The following GBE1 variants were observed in gnomAD, a reference collection of about 807,000 sequenced individuals.
The protein encoded by GBE1 is 1,4-alpha-glucan-branching enzyme.
A neutral mutation model predicts 88.8 loss-of-function variants in GBE1; 70 were observed. The ratio of observed to expected loss-of-function variants is 0.79; its 90% CI spans 0.65 to 0.96. GBE1 has a LOEUF of 0.96. Ranked by LOEUF, GBE1 falls within the 40% of genes least tolerant of loss-of-function variation. The probability of loss-of-function intolerance (pLI) is 0.00; values close to 1 mark genes in which losing one functional copy is unlikely to be tolerated. For synonymous variants in GBE1, 284 were observed against 300.1 expected (o/e 0.95, Z 0.56); for missense variants, 872 against 871.0 (o/e 1.00, Z -0.01).
At chr3:81,728,633 A>G (rs1211094199) in intron 1 of GBE1, among the ~76,000 whole-genome samples, 1 of 152,146 alleles carries the variant, frequency 6.6e-6, no homozygotes, top group African/African-American at 2.4e-5. Flanking sequence ...ACTACTGGAA[A>G]GAGAGGAGGA....
At chr3:81,760,808 G>A (rs546132707) in intron 1 of GBE1, among the ~76,000 whole-genome samples, 7 of 152,310 alleles carry the variant, frequency 4.6e-5, no homozygotes, top group East Asian at 1.9e-4. Flanking sequence ...GATCCAAGGG[G>A]AGAAAAAATT....
chr3:81,562,683 TGTTAA>T (rs1013308884), intron 12 of GBE1, among the ~76,000 whole-genome samples: 3 of 152,026 alleles, frequency 2.0e-5, no homozygotes, highest in Non-Finnish European at 2.9e-5. Flanking sequence ...GCTAAAAGAC[TGTTAA>T]GTTGAGGCAA....
At chr3:81,542,544 A>T (rs1198790420) in intron 12 of GBE1, among the ~76,000 whole-genome samples, 1 of 152,102 alleles carries the variant, frequency 6.6e-6, no homozygotes, top group African/African-American at 2.4e-5. Context: ...TATGTTTAGG[A>T]TTCTACTTTA....
intron 7 of GBE1, among the ~76,000 whole-genome samples, chr3:81,599,074 T>G (rs1461537693): frequency 6.6e-6 from 1 of 152,192 alleles, no homozygotes; most frequent in Non-Finnish European, 1.5e-5. Context: ...TTGTATTATA[T>G]GTAATTCCAA....
intron 9 of GBE1, among the ~76,000 whole-genome samples, chr3:81,588,320 C>T (rs1335445769): frequency 6.6e-6 from 1 of 152,040 alleles, no homozygotes; most frequent in African/African-American, 2.4e-5. Context: ...GATAAATATG[C>T]ATTAAATATC....
At chr3:81,576,707 C>T (rs1186439239) in intron 12 of GBE1, among the ~76,000 whole-genome samples, 1 of 151,912 alleles carries the variant, frequency 6.6e-6, no homozygotes, top group Non-Finnish European at 1.5e-5. Flanking sequence ...CTGGCTGATG[C>T]GATACAGTCT....
At chr3:81,612,220 TAAA>T (rs11404629) in intron 7 of GBE1, 519 of 241,176 alleles carry the variant, frequency 2.2e-3, no homozygotes, top group Middle Eastern at 5.4e-3. Flanking sequence ...CACGCTCCTT[TAAA>T]AAAAAAAAAA....
chr3:81,725,863 A>G (rs913073402), intron 1 of GBE1, among the ~76,000 whole-genome samples: 6 of 152,210 alleles, frequency 3.9e-5, no homozygotes, highest in Non-Finnish European at 7.3e-5. Flanking sequence ...ATTCTAAGCA[A>G]CACTGGGGCA....
rs1190117657 is a variant in GBE1 at position 81,743,444 on chromosome 3, A to C, written c.143+17931T>G. 22 of 705,778 alleles carry C rather than the reference A, an allele frequency of 3.1e-5. No homozygotes were observed. In the Admixed American group the frequency reaches 3.6e-4, roughly 11 times the overall value. 43.7% of individuals were successfully genotyped at this position (705,778 alleles called of 1,614,324 possible). On this transcript the variant is annotated intron_variant, in intron 1 of 15. Transcript: ENST00000429644. ...CACACACAATCATGAACACACATAC[A>C]CCCCCACAATATTATCACTAGTTTT...
chr3:81,507,764 A>T (rs1386713720), intron 14 of GBE1, among the ~76,000 whole-genome samples: 3 of 152,138 alleles, frequency 2.0e-5, no homozygotes, highest in African/African-American at 7.2e-5. Context: ...ATCTTCATGC[A>T]TAAGCTAAAT....
intron 7 of GBE1, among the ~76,000 whole-genome samples, chr3:81,630,295 C>T (rs1704488646): frequency 6.6e-6 from 1 of 152,128 alleles, no homozygotes; most frequent in South Asian, 2.1e-4. Context: ...AAGAACATTC[C>T]ATGCTCATGG....
intron 14 of GBE1, among the ~76,000 whole-genome samples, chr3:81,508,216 G>A (rs878975869): frequency 6.6e-6 from 1 of 151,992 alleles, no homozygotes. Context: ...ATACTTTACG[G>A]AATACTTCTG....
At chr3:81,760,663 T>A (rs974490119) in intron 1 of GBE1, among the ~76,000 whole-genome samples, 1 of 152,230 alleles carries the variant, frequency 6.6e-6, no homozygotes, top group African/African-American at 2.4e-5. Flanking sequence ...ACTAAAGTTG[T>A]ATGGTACACA....
rs1443693327 is a variant in GBE1 at position 81,643,002 on chromosome 3, G to A, written c.783-12C>T. 15 of 1,569,316 alleles carry A rather than the reference G, an allele frequency of 9.6e-6. No homozygotes were observed. Among genetic ancestry groups the A allele is most frequent in the Admixed American group, 1.8e-5 (1 of 56,050 alleles). ...GTGTTCCATAACGGCTAACAATGAA[G>A]AACACAGCAAAAAGAAGATTACATC... On this transcript the variant is annotated splice_polypyrimidine_tract_variant and intron_variant, in intron 6 of 15. Transcript: ENST00000429644.
intron 7 of GBE1, among the ~76,000 whole-genome samples, chr3:81,625,209 T>C (rs1329205406): frequency 6.6e-6 from 1 of 152,140 alleles, no homozygotes; most frequent in Non-Finnish European, 1.5e-5. Flanking sequence ...TTCAGGTCTT[T>C]ATCAGTTAAG....
intron 2 of GBE1, among the ~76,000 whole-genome samples, chr3:81,680,391 G>A (rs891457629): frequency 6.6e-5 from 10 of 151,632 alleles, no homozygotes; most frequent in Admixed American, 2.6e-4. Flanking sequence ...AGCTACTCAG[G>A]AAGCTGAGGC....
At chr3:81,495,670 T>C (rs896567595) in intron 15 of GBE1, among the ~76,000 whole-genome samples, 2 of 152,190 alleles carry the variant, frequency 1.3e-5, no homozygotes, top group East Asian at 1.9e-4. Context: ...CTAACTTGTA[T>C]ACATTAAAAA....
chr3:81,552,573 A>G (rs930583717), intron 12 of GBE1, among the ~76,000 whole-genome samples: 28 of 151,538 alleles, frequency 1.8e-4, no homozygotes, highest in Non-Finnish European at 3.4e-4. Flanking sequence ...AACAAACAAA[A>G]AATAATCTTC....
At chr3:81,538,066 C>T (rs1300203451) in intron 12 of GBE1, among the ~76,000 whole-genome samples, 1 of 151,854 alleles carries the variant, frequency 6.6e-6, no homozygotes, top group Non-Finnish European at 1.5e-5. Context: ...ACTTTCCAAA[C>T]TTTTCTTTCA....
Sources: allele counts gnomAD v4.1 joint callset (sites outside exome capture counted in the v4.1 genomes callset), GRCh38; gene constraint gnomAD v4.1.1; transcripts MANE v1.5; gene names NCBI Gene and HGNC (gene_info 2026-07-23, HGNC 2026-07-21).